Variants in FHOD3 observed in about 807,000 individuals in gnomAD.
FHOD3 encodes formin homology 2 domain containing 3.
In FHOD3, 90 loss-of-function variants were observed where a neutral mutation model predicts 173.0. That is an observed-to-expected ratio of 0.52 (90% CI 0.44 to 0.62). The LOEUF is 0.62. Among genes scored for constraint, FHOD3 ranks in the 20% least tolerant of loss-of-function variants. The pLI is 0.00. For missense variants in FHOD3, 1,945 were observed against 2,034.7 expected (o/e 0.96, Z 0.85); for synonymous variants, 828 against 823.0 (o/e 1.01, Z -0.10).
At chr18:36,661,669 A>T (rs990429524) in intron 14 of FHOD3, among the ~76,000 whole-genome samples, 2 of 152,186 alleles carry the variant, frequency 1.3e-5, no homozygotes, top group African/African-American at 4.8e-5. Context: ...ATGAGCTTGG[A>T]GTTTTCCATT....
At chr18:36,380,525 CT>C (rs2047690570) in intron 3 of FHOD3, among the ~76,000 whole-genome samples, 1 of 149,286 alleles carries the variant, frequency 6.7e-6, no homozygotes, top group Admixed American at 6.7e-5. Flanking sequence ...TCCTCTCTCC[CT>C]TTTTCCCTTT....
chr18:36,525,657 A>G (rs1395898751), intron 5 of FHOD3, among the ~76,000 whole-genome samples: 3 of 152,226 alleles, frequency 2.0e-5, no homozygotes, highest in Admixed American at 2.0e-4. Flanking sequence ...TAGGGGAATC[A>G]GGGAAGATAT....
intron 3 of FHOD3, among the ~76,000 whole-genome samples, chr18:36,446,699 C>T (rs546975343): frequency 1.3e-5 from 2 of 152,182 alleles, no homozygotes; most frequent in Admixed American, 1.3e-4. Context: ...CATACGCAAA[C>T]TTGGCTCGTG....
chr18:36,687,257 C>A, intron 16 of FHOD3, 79 bp downstream of exon 16: 2 of 1,058,674 alleles, frequency 1.9e-6, no homozygotes, highest in South Asian at 2.8e-5. Context: ...GAGAGACTGT[C>A]GATTAAAATA....
At chr18:36,721,065 C>A (rs892138958) in intron 19 of FHOD3, among the ~76,000 whole-genome samples, 1 of 152,214 alleles carries the variant, frequency 6.6e-6, no homozygotes, top group Non-Finnish European at 1.5e-5. Context: ...ATATTCTAGC[C>A]TCTTTTGTCT....
rs2058572827 is a variant in FHOD3, at chr18:36,574,471, G to T, written c.512-1980G>T. Among the ~76,000 whole-genome samples the T allele has an allele frequency of 2.0e-5, 3 of 151,766 alleles. No homozygotes were observed. The South Asian group carries it at 6.2e-4, about 32-fold the overall frequency. Reference sequence around the variant, plus strand: ...TACTAGTTTGTATTAACTATTTAAAGAAATTATTCTTTAACATATTTGTTG... The same window carrying T: ...TACTAGTTTGTATTAACTATTTAAATAAATTATTCTTTAACATATTTGTTG... On this transcript the variant is annotated intron_variant, in intron 5 of 28. Transcript: ENST00000590592.
chr18:36,612,577 C>T (rs771650740), intron 9 of FHOD3, among the ~76,000 whole-genome samples: 5 of 152,178 alleles, frequency 3.3e-5, no homozygotes, highest in Non-Finnish European at 5.9e-5. Flanking sequence ...CAACTCTTCA[C>T]TTTCTTCTGT....
In FHOD3 at chr18:36,649,528, T is replaced by C. The variant is rs574495469; in HGVS notation, c.1286+123T>C. ...TGACTCCCACTTGCAAACTCTTACT[T>C]ACCCTGTTCACAGAGCCACAGAACC... On this transcript the variant is annotated intron_variant, in intron 11 of 28. Coordinates refer to ENST00000590592, the MANE Select transcript of FHOD3 (RefSeq NM_001281740.3). The C allele has an allele frequency of 5.0e-4, 316 of 635,232 alleles. No individual in the cohort carries two copies. The Middle Eastern group carries it at 8.2e-3, about 16-fold the overall frequency. The allele number at this position is 635,232 out of a possible 1,614,324, so 39.3% of individuals were successfully genotyped here.
At chr18:36,380,535 TTCTC>T (rs1224839792) in intron 3 of FHOD3, among the ~76,000 whole-genome samples, 4 of 146,882 alleles carry the variant, frequency 2.7e-5, no homozygotes, top group Non-Finnish European at 4.5e-5. Context: ...CTTTTTCCCT[TTCTC>T]TCTCTTTCTT....
chr18:36,678,524 C>CAAAAAAAAAAAAAAAAAAAAAAAAAAA (rs58064190), intron 14 of FHOD3, among the ~76,000 whole-genome samples: 6 of 71,152 alleles, frequency 8.4e-5, no homozygotes, highest in East Asian at 4.2e-4. Flanking sequence ...GACCCTGTCT[C>CAAAAAAAAAAAAAAAAAAAAAAAAAAA]AAAAAAAAAA....
Position 36,714,199 on chromosome 18 carries a change from T to C in FHOD3, c.2534-3633T>C, listed in dbSNP as rs145061680. Reference sequence around the variant, plus strand: ...CACTACAGAATGATAAAAGGAGTCATAAATTAATGAAGAGAATAAGCAAGA... The same window carrying C: ...CACTACAGAATGATAAAAGGAGTCACAAATTAATGAAGAGAATAAGCAAGA... On this transcript the variant is annotated intron_variant, in intron 18 of 28. Coordinates refer to ENST00000590592, the MANE Select transcript of FHOD3 (RefSeq NM_001281740.3). 9.2e-5 allele frequency among the ~76,000 whole-genome samples: 14 copies of C among 152,260 alleles called. No individual in the cohort carries two copies. In the East Asian group the frequency reaches 2.3e-3, roughly 25 times the overall value.
At chr18:36,775,808 T>G (rs533174067) in intron 28 of FHOD3, among the ~76,000 whole-genome samples, 12 of 152,362 alleles carry the variant, frequency 7.9e-5, no homozygotes, top group African/African-American at 2.6e-4. Flanking sequence ...CCGTGAGAAC[T>G]GTCACCAGGG....
At chr18:36,762,811 A>C (rs1381081039) in intron 27 of FHOD3, among the ~76,000 whole-genome samples, 1 of 148,020 alleles carries the variant, frequency 6.8e-6, no homozygotes, top group Non-Finnish European at 1.5e-5. Context: ...ATATATATAT[A>C]TGTATTATAT....
At chr18:36,596,226 C>T (rs960959973) in intron 7 of FHOD3, among the ~76,000 whole-genome samples, 1 of 151,498 alleles carries the variant, frequency 6.6e-6, no homozygotes, top group African/African-American at 2.4e-5. Flanking sequence ...GCGATCTCGG[C>T]TCACTGCAAG....
At chr18:36,344,899 G>A (rs150895006) in intron 1 of FHOD3, among the ~76,000 whole-genome samples, 13 of 152,244 alleles carry the variant, frequency 8.5e-5, no homozygotes, top group African/African-American at 2.9e-4. Context: ...AATAACAGAC[G>A]TACTCTTCAG....
chr18:36,747,643 T>C (rs577135719), intron 24 of FHOD3, among the ~76,000 whole-genome samples: 1 of 152,184 alleles, frequency 6.6e-6, no homozygotes, highest in Non-Finnish European at 1.5e-5. Flanking sequence ...CCAGCCCTCC[T>C]CAGAGTCACA....
At chr18:36,399,152 C>T (rs1222980985) in intron 3 of FHOD3, among the ~76,000 whole-genome samples, 4 of 152,204 alleles carry the variant, frequency 2.6e-5, no homozygotes, top group Non-Finnish European at 5.9e-5. Context: ...AGGCCCATCA[C>T]ATTCCTTGGT....
chr18:36,536,433 A>T (rs1409892053), intron 5 of FHOD3, among the ~76,000 whole-genome samples: 1 of 152,256 alleles, frequency 6.6e-6, no homozygotes, highest in East Asian at 1.9e-4. Flanking sequence ...GGATTTAAGA[A>T]GTCAGCGCCC....
chr18:36,576,535 T>G lies in FHOD3; in HGVS notation c.596T>G (p.Ile199Ser), dbSNP rs751677131. ...ACCATTCAGTGGCTGTACACTCTCA[T>G]TGGGTCAAAGGTAAGGGGAAGTTAT... is the stretch of plus-strand genomic sequence containing the variant. Reference protein sequence around the residue: ...NETIQWLYTLIGSKFRLVVKT... With the variant: ...NETIQWLYTLSGSKFRLVVKT... Residue 199 changes from isoleucine to serine, a missense_variant, in exon 6 of 29, where the codon ATT becomes AGT. Around this residue, in one of 5 missense-constraint regions of FHOD3, gnomAD observed 245 missense variants for 267.7 expected, o/e 0.92. Transcript: ENST00000590592. 1 of 1,613,116 alleles carries G rather than the reference T, an allele frequency of 6.2e-7. No individual in the cohort carries two copies.
Sources: gnomAD v4.1 joint callset for allele counts (sites outside exome capture counted in the v4.1 genomes callset) on GRCh38, gnomAD v4.1.1 for gene constraint, gnomAD v4.1.1 regional missense constraint, MANE v1.5 for transcripts, NCBI Gene and HGNC (gene_info 2026-07-23, HGNC 2026-07-21) for gene names.